SIPA1L2: variants seen among roughly 807,000 people sequenced by gnomAD.
SIPA1L2 encodes the protein signal induced proliferation associated 1 like 2, also known as signal-induced proliferation-associated 1-like protein 2.
A neutral mutation model predicts 163.9 loss-of-function variants in SIPA1L2; 56 were observed. That is an observed-to-expected ratio of 0.34 (90% CI 0.28 to 0.43). The LOEUF (loss-of-function observed/expected upper bound fraction) is 0.43. SIPA1L2 is among the 20% of genes least tolerant of loss of function. The pLI is 1.00. For synonymous variants in SIPA1L2, 877 were observed against 865.7 expected (o/e 1.01, Z -0.23); for missense variants, 1,974 against 2,193.5 (o/e 0.90, Z 2.00).
intron 1 of SIPA1L2, among the ~76,000 whole-genome samples, chr1:232,613,273 T>G (rs1479959932): frequency 2.0e-5 from 3 of 152,176 alleles, no homozygotes; most frequent in Non-Finnish European, 4.4e-5. Context: ...GGTGGAAAAG[T>G]GAGCAGTACT....
intron 2 of SIPA1L2, among the ~76,000 whole-genome samples, chr1:232,571,327 G>A (rs1659716208): frequency 6.6e-6 from 1 of 152,152 alleles, no homozygotes; most frequent in South Asian, 2.1e-4. Flanking sequence ...TAAAGGCAAT[G>A]TACAACATAT....
intron 1 of SIPA1L2, among the ~76,000 whole-genome samples, chr1:232,608,131 C>T (rs1662060715): frequency 6.6e-6 from 1 of 151,780 alleles, no homozygotes; most frequent in African/African-American, 2.4e-5. Flanking sequence ...ACCACAACTT[C>T]CACCTCCAGA....
intron 1 of SIPA1L2, among the ~76,000 whole-genome samples, chr1:232,597,689 C>CAAAAAAAA (rs376123118): frequency 1.5e-4 from 10 of 65,398 alleles, no homozygotes; most frequent in African/African-American, 2.4e-4. Context: ...AACTCTGTCT[C>CAAAAAAAA]AAAAAAAAAA....
At chr1:232,607,626 T>C (rs1226144016) in intron 1 of SIPA1L2, among the ~76,000 whole-genome samples, 1 of 152,042 alleles carries the variant, frequency 6.6e-6, no homozygotes, top group Non-Finnish European at 1.5e-5. Flanking sequence ...TCCCCACTTC[T>C]CCTCGTATTT....
At chr1:232,517,066 AG>A (rs1368751440) in intron 2 of SIPA1L2, among the ~76,000 whole-genome samples, 2 of 152,182 alleles carry the variant, frequency 1.3e-5, no homozygotes, top group Non-Finnish European at 2.9e-5. Flanking sequence ...TTCTATTTCC[AG>A]GGGTCTTTAT....
chr1:232,447,023 C>T (rs563016683), intron 10 of SIPA1L2, among the ~76,000 whole-genome samples: 20 of 152,192 alleles, frequency 1.3e-4, no homozygotes, highest in African/African-American at 3.4e-4. Context: ...TTACATTTTA[C>T]GAAATATAAA....
chr1:232,461,512 G>A (rs934725014), intron 9 of SIPA1L2, among the ~76,000 whole-genome samples: 31 of 152,232 alleles, frequency 2.0e-4, no homozygotes, highest in Non-Finnish European at 2.8e-4. Context: ...GATAATTCCC[G>A]TTTTTCCTTT....
At chr1:232,491,888 A>G (rs1251061851) in intron 4 of SIPA1L2, among the ~76,000 whole-genome samples, 1 of 152,202 alleles carries the variant, frequency 6.6e-6, no homozygotes, top group Non-Finnish European at 1.5e-5. Context: ...CTCTATCTAT[A>G]CTAATACAGG....
chr1:232,597,521 A>T (rs79424532), intron 1 of SIPA1L2, among the ~76,000 whole-genome samples: 2 of 143,662 alleles, frequency 1.4e-5, no homozygotes, highest in Admixed American at 6.9e-5. Context: ...ACTAAAAAAT[A>T]CCAAAAAAAA....
chr1:232,462,401 G>A, intron 9 of SIPA1L2: 1 of 1,460,760 alleles, frequency 6.8e-7, no homozygotes, highest in Non-Finnish European at 9.0e-7. Flanking sequence ...TATTTAATAA[G>A]ACCTATGACA....
At chr1:232,455,012 G>A (rs1011536209) in intron 10 of SIPA1L2, among the ~76,000 whole-genome samples, 1 of 152,210 alleles carries the variant, frequency 6.6e-6, no homozygotes, top group Non-Finnish European at 1.5e-5. Context: ...CTAGTTAAGA[G>A]TGAGTGGCTG....
intron 19 of SIPA1L2, among the ~76,000 whole-genome samples, chr1:232,412,236 T>C (rs944995536): frequency 1.3e-5 from 2 of 152,114 alleles, no homozygotes; most frequent in African/African-American, 4.8e-5. Context: ...GGTAGACTAA[T>C]GGGGGAGAGG....
intron 9 of SIPA1L2, 36 bp from the exon 10 acceptor site, chr1:232,461,197 T>C: frequency 6.3e-7 from 1 of 1,595,818 alleles, no homozygotes; most frequent in Non-Finnish European, 8.5e-7. Context: ...ATGCCCTTCC[T>C]GCCCAAGCTG....
chr1:232,556,989 T>A lies in SIPA1L2; in HGVS notation c.-270+17185A>T, dbSNP rs190388429. 2.6e-5 allele frequency among the ~76,000 whole-genome samples: 4 copies of A among 152,288 alleles called. No individual in the cohort carries two copies. In the East Asian group the frequency reaches 7.7e-4, roughly 29 times the overall value. On this transcript the variant is annotated intron_variant, in intron 2 of 22. Coordinates refer to ENST00000674635, the MANE Select transcript of SIPA1L2 (RefSeq NM_020808.5). ...GTCAAGAATGGAGAGAGAAGCCATG[T>A]GGAAGAAATCCCACACCCAACAAAA...
At chr1:232,579,836 G>T (rs13375009) in intron 1 of SIPA1L2, among the ~76,000 whole-genome samples, 2,538 of 152,240 alleles carry the variant, frequency 0.017, 35 homozygotes, top group African/African-American at 0.037. Context: ...AGAACTTAAA[G>T]AAATGGCCAG....
chr1:232,531,018 G>A (rs1558248892), intron 2 of SIPA1L2, among the ~76,000 whole-genome samples: 1 of 152,214 alleles, frequency 6.6e-6, no homozygotes, highest in Non-Finnish European at 1.5e-5. Flanking sequence ...TGTGGTAACA[G>A]TAGCCTGGGT....
At chr1:232,479,870 A>G (rs1347309275) in intron 6 of SIPA1L2, 140 bp from the exon 7 acceptor site, 1 of 648,838 alleles carries the variant, frequency 1.5e-6, no homozygotes, top group East Asian at 2.8e-5. Flanking sequence ...CTGCCCATCC[A>G]GCTTTCATCA....
chr1:232,600,275 A>G (rs1661523120), intron 1 of SIPA1L2, among the ~76,000 whole-genome samples: 2 of 151,542 alleles, frequency 1.3e-5, no homozygotes, highest in African/African-American at 4.8e-5. Context: ...GTGCTATAGT[A>G]GCAGAATTAG....
rs879828422 is a variant in SIPA1L2, at chr1:232,615,487, C to T, written c.-319+14382G>A. Among the ~76,000 whole-genome samples the T allele has an allele frequency of 7.2e-5, 11 of 152,274 alleles. No individual in the cohort carries two copies. The South Asian group carries it at 1.2e-3, about 17-fold the overall frequency. ...CCCCTGGACTCCAGTGGAACTTCCT[C>T]TGAATCACAGGAAAGCCAGAGGGCC... On this transcript the variant is annotated intron_variant, in intron 1 of 22. Transcript: ENST00000674635.
Sources: allele counts gnomAD v4.1 joint callset (sites outside exome capture counted in the v4.1 genomes callset), GRCh38; gene constraint gnomAD v4.1.1; transcripts MANE v1.5; gene names NCBI Gene and HGNC (gene_info 2026-07-23, HGNC 2026-07-21).